The following GFPT2 variants were observed in gnomAD, a reference collection of about 807,000 sequenced individuals.
GFPT2 encodes the protein glutamine--fructose-6-phosphate aminotransferase [isomerizing] 2.
GFPT2 carries 62 observed loss-of-function variants against 85.6 expected under a neutral mutation model. That is an observed-to-expected ratio of 0.72 (90% CI 0.59 to 0.90). The LOEUF is 0.90. GFPT2 is among the 40% of genes least tolerant of loss of function. The pLI is 0.00. For synonymous variants in GFPT2, 368 were observed against 344.5 expected, an observed-to-expected ratio of 1.07 and a Z score of -0.75; for missense variants, 788 against 893.4, an observed-to-expected ratio of 0.88 and a Z score of 1.50.
rs770538552 is a variant in GFPT2 at position 180,302,418 on chromosome 5, C to T, written c.2004+5G>A. ...TCTGCTGTTAGGTGCAGTTTTTAGACGCACGTCATATCCTCGGAGAACAGC... is the reference window on the plus strand; with the variant it reads ...TCTGCTGTTAGGTGCAGTTTTTAGATGCACGTCATATCCTCGGAGAACAGC... On this transcript the variant is annotated splice_donor_5th_base_variant and intron_variant, in intron 18 of 18. Transcript: ENST00000253778. The T allele has an allele frequency of 2.3e-5, 37 of 1,611,184 alleles. 1 individual carries two copies. Among genetic ancestry groups the T allele is most frequent in the African/African-American group, 4.0e-5 (3 of 74,884 alleles).
chr5:180,316,881 G>T lies in GFPT2; in HGVS notation c.1055-20C>A. The T allele has an allele frequency of 6.3e-7, 1 of 1,595,646 alleles. No homozygotes were observed. The highest frequency in any genetic ancestry group is 8.6e-7 in the Non-Finnish European group (1 of 1,163,138). Reference sequence around the variant, plus strand: ...GGAGCACTGCAGGGCACACGACAAGGCGTTAATGCTGAGTCTACACAGTCA... The same window carrying T: ...GGAGCACTGCAGGGCACACGACAAGTCGTTAATGCTGAGTCTACACAGTCA... On this transcript the variant is annotated intron_variant, in intron 11 of 18. Transcript: ENST00000253778.
At chr5:180,329,855 ACCT>A (rs993025680) in intron 6 of GFPT2, among the ~76,000 whole-genome samples, 6 of 151,886 alleles carry the variant, frequency 4.0e-5, no homozygotes, top group African/African-American at 7.3e-5. Context: ...TGTCTGCTCC[ACCT>A]CCTCCTCAGT....
Position 180,324,202 on chromosome 5 carries a change from AAAG to A in GFPT2, c.777_779del (p.Phe260del), listed in dbSNP as rs1764169806. The A allele has an allele frequency of 1.3e-6, 2 of 1,598,068 alleles. No individual in the cohort carries two copies. The highest frequency in any genetic ancestry group is 1.3e-5 in the African/African-American group (1 of 74,600). ...GGCTCAGTTACCTTGCATCAGAAGCAAAGAAGAATTCCACGGCCTTGTCGCCCA... is the reference window on the plus strand; with the variant it reads ...GGCTCAGTTACCTTGCATCAGAAGCAAAGAATTCCACGGCCTTGTCGCCCA... On this transcript the variant is annotated inframe_deletion, in exon 9 of 19. Coordinates refer to ENST00000253778, the MANE Select transcript of GFPT2 (RefSeq NM_005110.4).
chr5:180,301,747 G>A, intron 18 of GFPT2, 139 bp from the exon 19 acceptor site: 1 of 710,098 alleles, frequency 1.4e-6, no homozygotes, highest in South Asian at 1.7e-5. Flanking sequence ...GCGTCTTGGA[G>A]GCAGATTCCT....
chr5:180,304,876 GC>G lies in GFPT2; in HGVS notation c.1737del (p.Leu581TrpfsTer3). 1.2e-6 allele frequency: 2 copies of G among 1,612,938 alleles called. No homozygotes were observed. Among genetic ancestry groups the G allele is most frequent in the African/African-American group, 1.3e-5 (1 of 75,046 alleles). ...ATCTGCTTGTCAATCAGTGCCAGGG[GC>G]CCGTGCTTCAGCTCCCCAGCCAGGA... ...EGILAGELKH[G>X]PLALIDKQMP... is the part of the protein sequence containing the mutation. On this transcript the variant is annotated frameshift_variant, in exon 17 of 19. Coordinates refer to ENST00000253778, the MANE Select transcript of GFPT2 (RefSeq NM_005110.4). LOFTEE classifies it high-confidence loss of function.
chr5:180,331,895 G>A (rs907216044), intron 4 of GFPT2, among the ~76,000 whole-genome samples: 3 of 152,188 alleles, frequency 2.0e-5, no homozygotes, highest in African/African-American at 7.2e-5. Context: ...CATGTCCCAC[G>A]GGGATGATGA....
At position 180,316,703 on chromosome 5, in the gene GFPT2, G is replaced by A. The variant is rs1764015969; in HGVS notation, c.1152+61C>T. On this transcript the variant is annotated intron_variant, in intron 12 of 18. Coordinates refer to ENST00000253778, the MANE Select transcript of GFPT2 (RefSeq NM_005110.4). ...AGAAGGCCACATGAGTGATAAAACTGAAGGCCAGTGTCTGGTCCTAGACTG... is the reference window on the plus strand; with the variant it reads ...AGAAGGCCACATGAGTGATAAAACTAAAGGCCAGTGTCTGGTCCTAGACTG... 1.2e-5 allele frequency: 14 copies of A among 1,199,956 alleles called. No homozygotes were observed. The Middle Eastern group carries it at 8.9e-4, about 76-fold the overall frequency. 74.3% of individuals were successfully genotyped at this position (1,199,956 alleles called of 1,614,324 possible).
chr5:180,329,574 C>T (rs1432746426), intron 6 of GFPT2, among the ~76,000 whole-genome samples: 1 of 152,254 alleles, frequency 6.6e-6, no homozygotes, highest in East Asian at 1.9e-4. Context: ...TTTATAAACA[C>T]GTCCTCTAAA....
At chr5:180,316,150 G>A (rs1390504248) in intron 13 of GFPT2, among the ~76,000 whole-genome samples, 191 bp downstream of exon 13, 1 of 152,188 alleles carries the variant, frequency 6.6e-6, no homozygotes, top group Non-Finnish European at 1.5e-5. Flanking sequence ...TGACTGCATG[G>A]CCTTAGACAT....
chr5:180,303,680 G>A (rs548967884), intron 17 of GFPT2, among the ~76,000 whole-genome samples: 6 of 152,288 alleles, frequency 3.9e-5, no homozygotes, highest in South Asian at 2.1e-4. Flanking sequence ...TCACCTCCCC[G>A]AAACTTCATG....
chr5:180,335,733 T>A, intron 4 of GFPT2, 95 bp downstream of exon 4: 1 of 1,271,774 alleles, frequency 7.9e-7, no homozygotes, highest in South Asian at 1.4e-5. Flanking sequence ...GAGAAGTCAG[T>A]TAGAGGTGGG....
At chr5:180,304,188 G>T (rs753146401) in intron 17 of GFPT2, among the ~76,000 whole-genome samples, 1 of 152,166 alleles carries the variant, frequency 6.6e-6, no homozygotes, top group Non-Finnish European at 1.5e-5. Flanking sequence ...CAAACTAGGG[G>T]TCTCTTCTTT....
chr5:180,336,093 GC>G (rs1373676482), intron 3 of GFPT2, 140 bp from the exon 4 acceptor site: 14 of 730,518 alleles, frequency 1.9e-5, no homozygotes, highest in Middle Eastern at 3.2e-4. Context: ...CTGGGAGTCC[GC>G]GCAGGCCCAC....
intron 9 of GFPT2, among the ~76,000 whole-genome samples, chr5:180,321,774 TTTG>T (rs1169604697): frequency 6.9e-6 from 1 of 144,550 alleles, no homozygotes; most frequent in Non-Finnish European, 1.5e-5. Context: ...TTTGTTTTGT[TTTG>T]TTTTGTTTTG....
chr5:180,336,892 G>A (rs1764412654), intron 2 of GFPT2, among the ~76,000 whole-genome samples: 1 of 152,264 alleles, frequency 6.6e-6, no homozygotes, highest in Non-Finnish European at 1.5e-5. Context: ...AATGGGCCCA[G>A]GCAGGGCATT....
Position 180,328,213 on chromosome 5 carries a change from C to T in GFPT2, c.596+64G>A, listed in dbSNP as rs1362779723. 12 of 1,229,440 alleles carry T rather than the reference C, an allele frequency of 9.8e-6. No individual in the cohort carries two copies. Among genetic ancestry groups the T allele is most frequent in the Admixed American group, 1.7e-5 (1 of 59,446 alleles). 76.2% of individuals were successfully genotyped at this position (1,229,440 alleles called of 1,614,324 possible). ...CCACAGGCCCTACCTCTCCCGTCTC[C>T]CTCCAGCTAAGTGATTTTATTTTCG... On this transcript the variant is annotated intron_variant, in intron 7 of 18. Transcript: ENST00000253778. This position sits in a 1 kb window ranked among gnomAD's most constrained non-coding sequence, Gnocchi z 5.4.
chr5:180,338,646 G>A (rs773298307), intron 1 of GFPT2, 46 bp from the exon 2 acceptor site: 21 of 1,185,942 alleles, frequency 1.8e-5, no homozygotes, highest in South Asian at 6.3e-5. Flanking sequence ...TACTCAGCTC[G>A]TGTTTGGAAG....
At position 180,318,808 on chromosome 5, in the gene GFPT2, G is replaced by A; in HGVS notation, c.943C>T (p.Gln315Ter). Residue 315 changes from glutamine to a stop codon, truncating the protein, a stop_gained, in exon 10 of 19, where the codon CAG becomes TAG. Coordinates refer to ENST00000253778, the MANE Select transcript of GFPT2 (RefSeq NM_005110.4). LOFTEE classifies it high-confidence loss of function. This position sits in a 1 kb window ranked among gnomAD's most constrained non-coding sequence, Gnocchi z 4.2. ...GGACACCTGCCTTTCATGATTTGCT[G>A]CAGTTCCATCTGCAAGGTCTGGATG... ...RAIQTLQMELQQIMKGNFSAF... is the reference protein window; with the variant it reads ...RAIQTLQMEL The A allele has an allele frequency of 6.2e-7, 1 of 1,613,910 alleles. No individual in the cohort carries two copies. Among genetic ancestry groups the A allele is most frequent in the Non-Finnish European group, 8.5e-7 (1 of 1,179,916 alleles).
rs529090819 is a variant in GFPT2, at chr5:180,303,538, G to T, written c.1843-954C>A. 3.9e-5 allele frequency among the ~76,000 whole-genome samples: 6 copies of T among 152,340 alleles called. No individual in the cohort carries two copies. In the East Asian group the frequency reaches 1.2e-3, roughly 29 times the overall value. ...AAGGGCCAGATAACGCAGGACTGTG[G>T]GTCTCTGTGGCTTGACAGGCAGGTA... On this transcript the variant is annotated intron_variant, in intron 17 of 18. Transcript: ENST00000253778.
Sources: allele counts gnomAD v4.1 joint callset (sites outside exome capture counted in the v4.1 genomes callset), GRCh38; gene constraint gnomAD v4.1.1; non-coding constraint Gnocchi (gnomAD v3.1); transcripts MANE v1.5; gene names NCBI Gene and HGNC (gene_info 2026-07-23, HGNC 2026-07-21).